Variants in WDR82 observed in about 807,000 individuals in gnomAD.
WDR82 encodes the protein WD repeat-containing protein 82.
WDR82 carries 8 observed loss-of-function variants against 36.1 expected under a neutral mutation model. The ratio of observed to expected loss-of-function variants is 0.22; its 90% confidence interval spans 0.13 to 0.40. The LOEUF is 0.40. Ranked by LOEUF, WDR82 falls within the 10% of genes least tolerant of loss-of-function variation. The pLI, the probability that WDR82 is intolerant of heterozygous loss-of-function variation, is 1.00. For synonymous variants in WDR82, 129 were observed against 137.8 expected (o/e 0.94, Z 0.45); for missense variants, 185 against 400.5 (o/e 0.46, Z 4.59).
chr3:52,278,368 GGCT>G lies in WDR82; in HGVS notation c.-10_-8del. The G allele has an allele frequency of 6.5e-7, 1 of 1,536,476 alleles. No individual in the cohort carries two copies. The highest frequency in any genetic ancestry group is 8.7e-7 in the Non-Finnish European group (1 of 1,143,156). On this transcript the variant is annotated 5_prime_UTR_variant, in exon 1 of 9. Transcript: ENST00000296490. ...CGCTGTCGGTCAGCTTCATGGCGGC[GGCT>G]GGGGAAGGCAGCGGCGGCGCAGGGC...
chr3:52,262,857 G>C (rs560971222), intron 3 of WDR82, among the ~76,000 whole-genome samples: 2 of 152,190 alleles, frequency 1.3e-5, no homozygotes, highest in African/African-American at 4.8e-5. Context: ...GGCCAGGTGC[G>C]GTGGCTCATG....
chr3:52,276,318 C>T (rs956947954), intron 1 of WDR82, among the ~76,000 whole-genome samples: 6 of 151,800 alleles, frequency 4.0e-5, no homozygotes, highest in Non-Finnish European at 8.8e-5. Context: ...GTAATCCCAG[C>T]TATTTGTGAG....
At position 52,278,054 on chromosome 3, in the gene WDR82, C is replaced by T. The variant is rs1292801167; in HGVS notation, c.161+147G>A. 1.5e-5 allele frequency: 10 copies of T among 658,234 alleles called. No homozygotes were observed. The East Asian group carries it at 3.1e-4, about 20-fold the overall frequency. The allele number at this position is 658,234 out of a possible 1,614,324, so 40.8% of individuals were successfully genotyped here. Reference sequence around the variant, plus strand: ...AGAAAAAAATAAAAGGTCTCCTGGACGGCTGCGGGGTGGAGGCGGCCCTGG... The same window carrying T: ...AGAAAAAAATAAAAGGTCTCCTGGATGGCTGCGGGGTGGAGGCGGCCCTGG... On this transcript the variant is annotated intron_variant, in intron 1 of 8. Transcript: ENST00000296490.
intron 3 of WDR82, among the ~76,000 whole-genome samples, chr3:52,265,599 T>A (rs1166407755): frequency 1.5e-5 from 2 of 129,286 alleles, no homozygotes; most frequent in Non-Finnish European, 3.2e-5. Context: ...TGAGACAGGG[T>A]CTTGCTCTGT....
Position 52,255,371 on chromosome 3 carries a change from C to G in WDR82, c.*2119G>C, listed in dbSNP as rs1221396135. 6.6e-6 allele frequency: 1 copy of G among 152,118 alleles called. No homozygotes were observed. The allele number at this position is 152,118 out of a possible 1,614,324, so 9.4% of individuals were successfully genotyped here. A position where few individuals can be genotyped will look rare whatever the true frequency, so the allele number is the denominator to read the frequency against. On this transcript the variant is annotated 3_prime_UTR_variant, in exon 9 of 9. Transcript: ENST00000296490. ...GTTGCAGATATGTGAAGTTAGGTAG[C>G]CTTTCCTGTTAACCCATGGTTCCAA...
intron 1 of WDR82, among the ~76,000 whole-genome samples, chr3:52,271,916 C>G (rs565624839): frequency 1.3e-5 from 2 of 151,902 alleles, no homozygotes; most frequent in South Asian, 4.2e-4. Context: ...ATGGTGAAAC[C>G]CCGTCTCTAC....
At chr3:52,263,214 T>C (rs1235354420) in intron 3 of WDR82, among the ~76,000 whole-genome samples, 1 of 152,104 alleles carries the variant, frequency 6.6e-6, no homozygotes. Context: ...AGCACAAGAC[T>C]CTATGCTGAG....
At position 52,277,372 on chromosome 3, in the gene WDR82, T is replaced by C. The variant is rs549804605; in HGVS notation, c.161+829A>G. Among the ~76,000 whole-genome samples, 7 of 152,146 alleles carry C rather than the reference T, an allele frequency of 4.6e-5. 1 individual carries two copies. The highest frequency in any genetic ancestry group is 2.0e-4 in the Admixed American group (3 of 15,274). On this transcript the variant is annotated intron_variant, in intron 1 of 8. Transcript: ENST00000296490. The stretch of plus-strand genomic sequence containing the variant: ...AGATGACTTGTGGCAACATAAAAGT[T>C]TCATGATCAGAATTGGAATTCAAAG...
In WDR82 at chr3:52,270,795, A is replaced by G; in HGVS notation, c.176T>C (p.Leu59Pro). The change falls in exon 2 of 9, where the codon CTG (leucine) becomes CCG (proline). Residue 59 changes from leucine (L) to proline (P), a missense_variant. By Grantham distance (98) the Leu-to-Pro change is moderately conservative. Coordinates refer to ENST00000296490, the MANE Select transcript of WDR82 (RefSeq NM_025222.4). ...GTCCACACCATATTTCTTACTGTAC[A>G]GGGTTCTCTTTGGTCTGATAAGAAA... ...DCQEGKPKRT[L>P]YSKKYGVDLI... The G allele has an allele frequency of 6.2e-7, 1 of 1,606,978 alleles. No homozygotes were observed. The highest frequency in any genetic ancestry group is 8.5e-7 in the Non-Finnish European group (1 of 1,177,424).
In WDR82 at chr3:52,278,424, G is replaced by A; in HGVS notation, c.-63C>T. 2 of 1,210,896 alleles carry A rather than the reference G, an allele frequency of 1.7e-6. No individual in the cohort carries two copies. The highest frequency in any genetic ancestry group is 1.6e-5 in the African/African-American group (1 of 62,138). 75.0% of individuals were successfully genotyped at this position (1,210,896 alleles called of 1,614,324 possible). A position where few individuals can be genotyped will look rare whatever the true frequency, so the allele number is the denominator to read the frequency against. ...GGGCGGGGCCCGGCGGCGAGCGGGC[G>A]GGCTGCCGAGGGGCCAACCCAGGCG... On this transcript the variant is annotated 5_prime_UTR_variant, in exon 1 of 9. Coordinates refer to ENST00000296490, the MANE Select transcript of WDR82 (RefSeq NM_025222.4).
At chr3:52,266,665 C>A (rs532784590) in intron 3 of WDR82, among the ~76,000 whole-genome samples, 28 of 152,150 alleles carry the variant, frequency 1.8e-4, no homozygotes, top group Admixed American at 1.7e-3. Flanking sequence ...TTCAAACTCC[C>A]GGCCTCAAGT....
Position 52,261,491 on chromosome 3 carries a change from C to T in WDR82, c.327-12G>A, listed in dbSNP as rs368572877. ...ACAAGGCCACCACCCTGCAATACAT[C>T]GAGATAAATAGGAGTTGATGCGAAA... On this transcript the variant is annotated splice_polypyrimidine_tract_variant and intron_variant, in intron 3 of 8. Transcript: ENST00000296490. 17 of 1,601,566 alleles carry T rather than the reference C, an allele frequency of 1.1e-5. No individual in the cohort carries two copies. The highest frequency in any genetic ancestry group is 1.3e-5 in the African/African-American group (1 of 74,170).
intron 4 of WDR82, among the ~76,000 whole-genome samples, chr3:52,260,878 T>C (rs1015857350): frequency 6.6e-6 from 1 of 152,222 alleles, no homozygotes; most frequent in African/African-American, 2.4e-5. Context: ...ACGCCTATAA[T>C]CCCAGAACTT....
Position 52,256,867 on chromosome 3 carries a change from C to T in WDR82, c.*623G>A, listed in dbSNP as rs1353165995. The T allele has an allele frequency of 6.5e-6, 1 of 152,804 alleles. No individual in the cohort carries two copies. Among genetic ancestry groups the T allele is most frequent in the African/African-American group, 2.4e-5 (1 of 41,446 alleles). 9.5% of individuals were successfully genotyped at this position (152,804 alleles called of 1,614,324 possible). A position where few individuals can be genotyped will look rare whatever the true frequency, so the allele number is the denominator to read the frequency against. On this transcript the variant is annotated 3_prime_UTR_variant, in exon 9 of 9. Coordinates refer to ENST00000296490, the MANE Select transcript of WDR82 (RefSeq NM_025222.4). Reference sequence around the variant, plus strand: ...CCCGAGGCCTGCCCAACCACCTAGCCTCACACGACTAACTGCAGAAACTAA... The same window carrying T: ...CCCGAGGCCTGCCCAACCACCTAGCTTCACACGACTAACTGCAGAAACTAA...
chr3:52,278,466 G>T lies in WDR82; in HGVS notation c.-105C>A. On this transcript the variant is annotated 5_prime_UTR_variant, in exon 1 of 9. Coordinates refer to ENST00000296490, the MANE Select transcript of WDR82 (RefSeq NM_025222.4). Reference sequence around the variant, plus strand: ...ACCCAGGCGGGGCGGGCGCCGCGCCGGCGGCTAGCGGGAAGTCGGCCAACA... The same window carrying T: ...ACCCAGGCGGGGCGGGCGCCGCGCCTGCGGCTAGCGGGAAGTCGGCCAACA... 9.6e-7 allele frequency: 1 copy of T among 1,043,798 alleles called. No individual in the cohort carries two copies. Among genetic ancestry groups the T allele is most frequent in the Non-Finnish European group, 1.2e-6 (1 of 831,176 alleles). The allele number at this position is 1,043,798 out of a possible 1,614,324, so 64.7% of individuals were successfully genotyped here. A position where few individuals can be genotyped will look rare whatever the true frequency, so the allele number is the denominator to read the frequency against.
In WDR82 at chr3:52,259,278, CAG is replaced by C. The variant is rs764669025; in HGVS notation, c.700-14_700-13del. 2 of 1,613,624 alleles carry C rather than the reference CAG, an allele frequency of 1.2e-6. No individual in the cohort carries two copies. Among genetic ancestry groups the C allele is most frequent in the South Asian group, 1.1e-5 (1 of 91,036 alleles). On this transcript the variant is annotated splice_polypyrimidine_tract_variant and intron_variant, in intron 6 of 8. Coordinates refer to ENST00000296490, the MANE Select transcript of WDR82 (RefSeq NM_025222.4). ...CTGTTGGCATAACCCTAAAACAAAA[CAG>C]AGCAGTTCTTTTGTTCTTACAGAGC...
chr3:52,263,052 C>G (rs1700074674), intron 3 of WDR82, among the ~76,000 whole-genome samples: 1 of 152,164 alleles, frequency 6.6e-6, no homozygotes, highest in Admixed American at 6.5e-5. Context: ...CGCTTGAACC[C>G]CAGAGATGGA....
chr3:52,261,611 T>A (rs192462410), intron 3 of WDR82, 132 bp from the exon 4 acceptor site: 1 of 613,850 alleles, frequency 1.6e-6, no homozygotes, highest in South Asian at 2.7e-5. Context: ...AGAAACACAA[T>A]AAAACACACA....
At chr3:52,258,432 G>A in intron 8 of WDR82, 104 bp downstream of exon 8, 1 of 1,313,494 alleles carries the variant, frequency 7.6e-7, no homozygotes, top group South Asian at 1.3e-5. Context: ...TTGGATGCTT[G>A]TAATGTACCT....
Sources: allele counts gnomAD v4.1 joint callset (sites outside exome capture counted in the v4.1 genomes callset), GRCh38; gene constraint gnomAD v4.1.1; transcripts MANE v1.5; gene names NCBI Gene and HGNC (gene_info 2026-07-23, HGNC 2026-07-21).